FSHR: variants seen among roughly 807,000 people sequenced by gnomAD.
FSHR encodes the protein follicle stimulating hormone receptor, also known as follicle-stimulating hormone receptor.
A neutral mutation model predicts 52.1 loss-of-function variants in FSHR; 46 were observed. The observed-to-expected ratio is 0.88, with a 90% CI of 0.70 to 1.13. FSHR has a LOEUF of 1.13. Among genes scored for constraint, FSHR ranks in the 50% most tolerant of loss-of-function variants. FSHR has a pLI of 0.00. For missense variants in FSHR, 964 were observed against 834.6 expected (o/e 1.16, Z -1.91); for synonymous variants, 399 against 309.6 (o/e 1.29, Z -3.03).
chr2:49,002,823 A>G (rs1245916553), intron 4 of FSHR, among the ~76,000 whole-genome samples: 1 of 152,106 alleles, frequency 6.6e-6, no homozygotes, highest in Non-Finnish European at 1.5e-5. Flanking sequence ...CAGGGCTGGA[A>G]CCTGGGTCTT....
At chr2:49,153,303 C>T (rs776556014) in intron 1 of FSHR, among the ~76,000 whole-genome samples, 39 of 152,190 alleles carry the variant, frequency 2.6e-4, no homozygotes, top group Non-Finnish European at 4.6e-4. Flanking sequence ...GCAATAAAAA[C>T]ACAGAGAGTA....
chr2:49,151,088 G>A (rs1250546839), intron 1 of FSHR, among the ~76,000 whole-genome samples: 1 of 150,590 alleles, frequency 6.6e-6, no homozygotes, highest in Non-Finnish European at 1.5e-5. Context: ...GTAGTTGCAA[G>A]AAGTGGTATA....
At chr2:49,030,168 G>A (rs1248559907) in intron 2 of FSHR, among the ~76,000 whole-genome samples, 1 of 152,110 alleles carries the variant, frequency 6.6e-6, no homozygotes, top group Non-Finnish European at 1.5e-5. Context: ...ATGTTTTATT[G>A]TCAGTTTAAA....
Position 49,017,609 on chromosome 2 carries a change from T to C in FSHR, c.300-46A>G, listed in dbSNP as rs764672387. 5.5e-5 allele frequency: 76 copies of C among 1,382,012 alleles called. 2 individuals are homozygous for C. The East Asian group carries it at 1.7e-3, about 32-fold the overall frequency. The allele number at this position is 1,382,012 out of a possible 1,614,324, so 85.6% of individuals were successfully genotyped here. Reference sequence around the variant, plus strand: ...TGCTAGTGATCTTGATGGTAAGGAATGCTGTAGTATTTTTCACATTTTACA... The same window carrying C: ...TGCTAGTGATCTTGATGGTAAGGAACGCTGTAGTATTTTTCACATTTTACA... On this transcript the variant is annotated intron_variant, in intron 3 of 9. Transcript: ENST00000406846.
At chr2:49,054,616 A>G (rs1196515420) in intron 2 of FSHR, among the ~76,000 whole-genome samples, 1 of 152,080 alleles carries the variant, frequency 6.6e-6, no homozygotes, top group Admixed American at 6.6e-5. Flanking sequence ...CATGGCCCCA[A>G]CCCCAGTGAG....
chr2:49,104,617 T>C (rs549329726), intron 1 of FSHR, among the ~76,000 whole-genome samples: 1 of 152,140 alleles, frequency 6.6e-6, no homozygotes, highest in Admixed American at 6.5e-5. Context: ...CAGAAAGATA[T>C]CGTGTTCCAA....
At chr2:49,059,892 A>G (rs1295407250) in intron 2 of FSHR, among the ~76,000 whole-genome samples, 2 of 152,200 alleles carry the variant, frequency 1.3e-5, no homozygotes, top group African/African-American at 4.8e-5. Context: ...CTGCAGAGCC[A>G]ATGAAACAAT....
rs780625359 is a variant in FSHR at position 48,963,439 on chromosome 2, G to A, written c.1382C>T (p.Thr461Ile). ...FASELSVYTL[T>I]AITLERWHTI... is the part of the protein sequence containing the mutation. ...ATGCCATCTTTCCAAGGTGATAGCTGTCAGAGTGTAGACTGACAGCTCACT... is the reference window on the plus strand; with the variant it reads ...ATGCCATCTTTCCAAGGTGATAGCTATCAGAGTGTAGACTGACAGCTCACT... Residue 461 changes from threonine to isoleucine, a missense_variant, in exon 10 of 10, where the codon ACA (threonine) becomes ATA (isoleucine). Transcript: ENST00000406846. 1 of 1,614,152 alleles carries A rather than the reference G, an allele frequency of 6.2e-7. No homozygotes were observed. The highest frequency in any genetic ancestry group is 8.5e-7 in the Non-Finnish European group (1 of 1,180,026).
intron 4 of FSHR, among the ~76,000 whole-genome samples, chr2:48,992,256 C>T (rs545659388): frequency 3.3e-5 from 5 of 152,238 alleles, no homozygotes; most frequent in East Asian, 1.9e-4. Context: ...CATATAGCTA[C>T]GTAACCACGA....
intron 4 of FSHR, among the ~76,000 whole-genome samples, chr2:49,013,501 AAT>A (rs1201877951): frequency 0.029 from 1,943 of 65,976 alleles, 20 homozygotes; most frequent in Non-Finnish European, 0.041. Flanking sequence ...TATATATATA[AAT>A]ATATATATAT....
At chr2:49,020,973 A>G (rs11902223) in intron 2 of FSHR, among the ~76,000 whole-genome samples, 1,589 of 152,252 alleles carry the variant, frequency 0.01, 35 homozygotes, top group African/African-American at 0.037. Context: ...CATTAGGAAA[A>G]ATAGCTAATG....
At chr2:49,090,573 A>G (rs1558435861) in intron 1 of FSHR, among the ~76,000 whole-genome samples, 2 of 152,206 alleles carry the variant, frequency 1.3e-5, no homozygotes, top group African/African-American at 4.8e-5. Context: ...GAGCTGCTAT[A>G]AACACTTATG....
At chr2:48,999,892 C>T (rs1254436918) in intron 4 of FSHR, among the ~76,000 whole-genome samples, 1 of 152,090 alleles carries the variant, frequency 6.6e-6, no homozygotes, top group Non-Finnish European at 1.5e-5. Context: ...TTTCCTAGTT[C>T]AACCTTGGAA....
At chr2:49,087,070 GTTTTTTT>G (rs56890721) in intron 1 of FSHR, among the ~76,000 whole-genome samples, 14 of 86,730 alleles carry the variant, frequency 1.6e-4, no homozygotes, top group Admixed American at 5.0e-4. Flanking sequence ...TGTGGGCAGG[GTTTTTTT>G]TTTTTTTTTT....
chr2:48,993,243 G>C (rs756665926), intron 4 of FSHR, among the ~76,000 whole-genome samples: 2 of 152,086 alleles, frequency 1.3e-5, no homozygotes, highest in African/African-American at 4.8e-5. Flanking sequence ...GCTAATTAAA[G>C]CTTACTTTGC....
At chr2:49,011,497 T>C (rs1573089973) in intron 4 of FSHR, among the ~76,000 whole-genome samples, 1 of 152,178 alleles carries the variant, frequency 6.6e-6, no homozygotes, top group Admixed American at 6.5e-5. Context: ...GAAAAAAATA[T>C]ATATTCTGTT....
intron 8 of FSHR, among the ~76,000 whole-genome samples, chr2:48,977,302 G>A (rs997024109): frequency 2.6e-5 from 4 of 152,124 alleles, no homozygotes; most frequent in Admixed American, 6.6e-5. Flanking sequence ...ACCATGGGAC[G>A]GGATTAGATC....
At chr2:49,022,160 A>T (rs1667747829) in intron 2 of FSHR, among the ~76,000 whole-genome samples, 1 of 152,022 alleles carries the variant, frequency 6.6e-6, no homozygotes, top group Admixed American at 6.5e-5. Flanking sequence ...AGCTATTTCC[A>T]GGTTCACTAG....
chr2:48,962,589 T>A lies in FSHR; in HGVS notation c.*144A>T. 2.5e-6 allele frequency: 2 copies of A among 788,484 alleles called. No individual in the cohort carries two copies. Among genetic ancestry groups the A allele is most frequent in the Non-Finnish European group, 4.1e-6 (2 of 482,156 alleles). 48.8% of individuals were successfully genotyped at this position (788,484 alleles called of 1,614,324 possible). A position where few individuals can be genotyped will look rare whatever the true frequency, so the allele number is the denominator to read the frequency against. ...CTAATGTATCACATGGAATTAATAG[T>A]TCCTGACCAATTTACCTTAAAGGTA... On this transcript the variant is annotated 3_prime_UTR_variant, in exon 10 of 10. Coordinates refer to ENST00000406846, the MANE Select transcript of FSHR (RefSeq NM_000145.4).
Sources: allele counts gnomAD v4.1 joint callset (sites outside exome capture counted in the v4.1 genomes callset), GRCh38; gene constraint gnomAD v4.1.1; transcripts MANE v1.5; gene names NCBI Gene and HGNC (gene_info 2026-07-23, HGNC 2026-07-21).